The following ASIC2 variants were observed in gnomAD, a reference collection of about 807,000 sequenced individuals.
ASIC2 encodes the protein acid sensing ion channel subunit 2, also known as acid-sensing ion channel 2.
ASIC2 carries 25 observed loss-of-function variants against 57.3 expected under a neutral mutation model. The observed-to-expected ratio is 0.44, with a 90% CI of 0.32 to 0.61. The LOEUF (loss-of-function observed/expected upper bound fraction) is 0.61, where lower values mean the gene tolerates loss of function less well. Among genes scored for constraint, ASIC2 ranks in the 20% least tolerant of loss-of-function variants. The pLI, the probability that ASIC2 is intolerant of heterozygous loss-of-function variation, is 0.06. For synonymous variants in ASIC2, 319 were observed against 307.5 expected (o/e 1.04, Z -0.39); for missense variants, 641 against 738.1 (o/e 0.87, Z 1.52).
In ASIC2 at chr17:33,061,462, G is replaced by A. The variant is rs530074709; in HGVS notation, c.987+27401C>T. Among the ~76,000 whole-genome samples the A allele has an allele frequency of 2.2e-3, 339 of 152,226 alleles. 4 individuals are homozygous for A. The highest frequency in any genetic ancestry group is 7.8e-3 in the African/African-American group (322 of 41,542). Reference sequence around the variant, plus strand: ...TGGTTCTGTTTATATGCTGGATTACGTTTATTGATTTGCGTATGTTGAACC... The same window carrying A: ...TGGTTCTGTTTATATGCTGGATTACATTTATTGATTTGCGTATGTTGAACC... On this transcript the variant is annotated intron_variant, in intron 3 of 9. Coordinates refer to ENST00000225823, the MANE Select transcript of ASIC2 (RefSeq NM_183377.2).
intron 1 of ASIC2, among the ~76,000 whole-genome samples, chr17:33,556,633 A>G (rs1041595865): frequency 6.6e-6 from 1 of 152,188 alleles, no homozygotes; most frequent in Admixed American, 6.5e-5. Context: ...GCTGCATCAG[A>G]CACCCAAGTT....
At chr17:33,122,022 T>C (rs56077746) in intron 1 of ASIC2, among the ~76,000 whole-genome samples, 1,876 of 152,282 alleles carry the variant, frequency 0.012, 38 homozygotes, top group African/African-American at 0.042. Flanking sequence ...AGGCTGACTG[T>C]GATGAGCACC....
At chr17:33,841,948 A>G (rs1483783333) in intron 1 of ASIC2, among the ~76,000 whole-genome samples, 1 of 152,094 alleles carries the variant, frequency 6.6e-6, no homozygotes, top group Non-Finnish European at 1.5e-5. Flanking sequence ...GAGAATGTCC[A>G]GTGGTGGCAG....
chr17:33,098,563 G>A lies in ASIC2; in HGVS notation c.860-9573C>T, dbSNP rs551574872. 8.5e-5 allele frequency among the ~76,000 whole-genome samples: 13 copies of A among 152,260 alleles called. No individual in the cohort carries two copies. In the East Asian group the frequency reaches 1.5e-3, roughly 18 times the overall value. The stretch of plus-strand genomic sequence containing the variant: ...CTGGGTGGCAGCGTGATGCAGCAGC[G>A]TTCTTACCAATGGCTGGTGATCCAG... On this transcript the variant is annotated intron_variant, in intron 2 of 9. Coordinates refer to ENST00000225823, the MANE Select transcript of ASIC2 (RefSeq NM_183377.2).
At chr17:33,144,266 C>A (rs1904456045) in intron 1 of ASIC2, among the ~76,000 whole-genome samples, 1 of 152,014 alleles carries the variant, frequency 6.6e-6, no homozygotes, top group African/African-American at 2.4e-5. Context: ...TATGGCTGGC[C>A]CTGTCTTGTC....
chr17:33,024,774 C>A (rs1484742349), intron 5 of ASIC2, among the ~76,000 whole-genome samples: 1 of 152,124 alleles, frequency 6.6e-6, no homozygotes, highest in Non-Finnish European at 1.5e-5. Context: ...GCAGATTTCC[C>A]CCTAACTTTG....
chr17:33,872,740 AAGG>A (rs1380739786), intron 1 of ASIC2, among the ~76,000 whole-genome samples: 6 of 152,284 alleles, frequency 3.9e-5, no homozygotes, highest in Non-Finnish European at 4.4e-5. Flanking sequence ...ACATGCTGAT[AAGG>A]AGGAGACGAG....
intron 1 of ASIC2, among the ~76,000 whole-genome samples, chr17:33,197,714 A>G (rs1158008915): frequency 1.3e-5 from 2 of 152,214 alleles, no homozygotes; most frequent in Non-Finnish European, 2.9e-5. Context: ...AGACACAGCT[A>G]AAATAGAAGG....
intron 1 of ASIC2, among the ~76,000 whole-genome samples, chr17:33,818,385 C>A (rs909479765): frequency 6.6e-6 from 1 of 152,146 alleles, no homozygotes; most frequent in African/African-American, 2.4e-5. Flanking sequence ...AGCAACTCTG[C>A]GAAGTAGGTA....
At chr17:34,039,494 G>C in intron 1 of ASIC2, 1 of 1,613,802 alleles carries the variant, frequency 6.2e-7, no homozygotes. Context: ...CCATAGAGGG[G>C]CTGTTCTACT....
At chr17:33,399,793 G>T (rs1397345723) in intron 1 of ASIC2, among the ~76,000 whole-genome samples, 2 of 152,200 alleles carry the variant, frequency 1.3e-5, no homozygotes, top group African/African-American at 2.4e-5. Context: ...GTGTGTTTGT[G>T]TGTGTGTGCA....
chr17:33,444,251 G>A (rs1911932674), intron 1 of ASIC2, among the ~76,000 whole-genome samples: 1 of 152,234 alleles, frequency 6.6e-6, no homozygotes, highest in South Asian at 2.1e-4. Flanking sequence ...AAAACTGCTG[G>A]GTGTGTGACC....
intron 1 of ASIC2, among the ~76,000 whole-genome samples, chr17:33,489,551 C>T (rs1052042313): frequency 2.0e-5 from 3 of 152,178 alleles, no homozygotes; most frequent in African/African-American, 7.2e-5. Flanking sequence ...CTCACTGGCC[C>T]TGGACACTGA....
intron 1 of ASIC2, among the ~76,000 whole-genome samples, chr17:33,687,511 A>G (rs1908232581): frequency 6.6e-6 from 1 of 152,268 alleles, no homozygotes; most frequent in Middle Eastern, 3.4e-3. Context: ...TTTCCCTGCC[A>G]CAATGGTTGG....
intron 1 of ASIC2, among the ~76,000 whole-genome samples, chr17:33,343,183 T>C (rs1287250908): frequency 2.0e-5 from 3 of 152,190 alleles, no homozygotes; most frequent in Non-Finnish European, 4.4e-5. Context: ...AGATGGGTCC[T>C]GCCCAGGTGA....
At chr17:33,581,445 A>G (rs1393359783) in intron 1 of ASIC2, 3 of 152,218 alleles carry the variant, frequency 2.0e-5, no homozygotes, top group African/African-American at 7.2e-5. Context: ...CAAGGCTGTT[A>G]CTGGAAGGAG....
chr17:33,866,129 T>A (rs563107612), intron 1 of ASIC2, among the ~76,000 whole-genome samples: 5 of 152,216 alleles, frequency 3.3e-5, no homozygotes, highest in Non-Finnish European at 5.9e-5. Flanking sequence ...TACATAATAA[T>A]TGATTTATCC....
chr17:34,036,999 T>G (rs1277224529), intron 1 of ASIC2: 2 of 152,628 alleles, frequency 1.3e-5, no homozygotes, highest in African/African-American at 2.4e-5. Context: ...GGGTTTCACT[T>G]TATGACCAAA....
intron 1 of ASIC2, among the ~76,000 whole-genome samples, chr17:33,411,060 G>C (rs1414602533): frequency 6.6e-6 from 1 of 152,212 alleles, no homozygotes; most frequent in Non-Finnish European, 1.5e-5. Context: ...GCATGACTAG[G>C]AAATGGTGAA....
Sources: allele counts gnomAD v4.1 joint callset (sites outside exome capture counted in the v4.1 genomes callset), GRCh38; gene constraint gnomAD v4.1.1; transcripts MANE v1.5; gene names NCBI Gene and HGNC (gene_info 2026-07-23, HGNC 2026-07-21).